Variants in MEMO1 observed in about 807,000 individuals in gnomAD.
The protein encoded by MEMO1 is mediator of cell motility 1, also known as protein MEMO1.
A neutral mutation model predicts 45.2 loss-of-function variants in MEMO1; 6 were observed. That is an observed-to-expected ratio of 0.13 (90% CI 0.07 to 0.26). The LOEUF is 0.26. MEMO1 is among the 10% of genes least tolerant of loss of function. The probability of loss-of-function intolerance (pLI) is 1.00; values close to 1 mark genes in which losing one functional copy is unlikely to be tolerated. For missense variants in MEMO1, 184 were observed against 370.5 expected (o/e 0.50, Z 4.13); for synonymous variants, 78 against 124.3 (o/e 0.63, Z 2.48).
Position 31,895,334 on chromosome 2 carries a change from A to G in MEMO1, c.438-3200T>C, listed in dbSNP as rs13396573. ...ATTGGATTTAGCAGACAAAAACTTC[A>G]AAGGAGTTATTATATATTCAAAGAA... On this transcript the variant is annotated intron_variant, in intron 6 of 9. Coordinates refer to ENST00000404530, the MANE Select transcript of MEMO1 (RefSeq NM_001301833.4). Among the ~76,000 whole-genome samples, 622 of 152,354 alleles carry G rather than the reference A, an allele frequency of 4.1e-3. 3 individuals are homozygous for G. The highest frequency in any genetic ancestry group is 6.8e-3 in the Middle Eastern group (2 of 294).
intron 2 of MEMO1, among the ~76,000 whole-genome samples, chr2:31,954,648 C>T (rs1337902029): frequency 3.9e-5 from 6 of 151,966 alleles, no homozygotes; most frequent in East Asian, 3.9e-4. Context: ...GCCTGACCAA[C>T]ATGGTGAAAC....
intron 2 of MEMO1, among the ~76,000 whole-genome samples, chr2:31,959,017 G>T (rs1352299456): frequency 6.6e-6 from 1 of 152,092 alleles, no homozygotes; most frequent in Non-Finnish European, 1.5e-5. Flanking sequence ...ATAAGAGAAA[G>T]AATCAATGAT....
At chr2:31,997,817 C>T (rs1182077418) in intron 2 of MEMO1, among the ~76,000 whole-genome samples, 1 of 152,066 alleles carries the variant, frequency 6.6e-6, no homozygotes, top group Admixed American at 6.6e-5. Flanking sequence ...AGGATATTAT[C>T]GAATCTACAT....
At chr2:31,933,342 AAAAAAAATTTATATATAT>A (rs1664459119) in intron 3 of MEMO1, among the ~76,000 whole-genome samples, 1 of 47,338 alleles carries the variant, frequency 2.1e-5, no homozygotes, top group African/African-American at 9.1e-5. Flanking sequence ...AAAAAAAAAA[AAAAAAAATTTATATATAT>A]ATATATATAT....
intron 2 of MEMO1, among the ~76,000 whole-genome samples, chr2:31,984,048 G>T (rs527918171): frequency 2.0e-5 from 3 of 152,356 alleles, no homozygotes; most frequent in African/African-American, 7.2e-5. Flanking sequence ...GGGAGGGGCA[G>T]AGACAAATCT....
intron 2 of MEMO1, among the ~76,000 whole-genome samples, chr2:31,963,666 G>T (rs1668283358): frequency 6.6e-6 from 1 of 152,104 alleles, no homozygotes. Context: ...TCACCACTTT[G>T]CAAGCCCTAA....
Position 31,906,243 on chromosome 2 carries a change from T to A in MEMO1, c.437+11683A>T, listed in dbSNP as rs191958253. ...CCTCAACCTCCCAAAGTGCTGGGAT[T>A]ACCGGCGTGAGCCACCGCACCCGGC... On this transcript the variant is annotated intron_variant, in intron 6 of 9. Coordinates refer to ENST00000404530, the MANE Select transcript of MEMO1 (RefSeq NM_001301833.4). Among the ~76,000 whole-genome samples, 924 of 152,250 alleles carry A rather than the reference T, an allele frequency of 6.1e-3. 12 individuals are homozygous for A. The highest frequency in any genetic ancestry group is 0.021 in the African/African-American group (866 of 41,554).
chr2:31,974,607 T>C (rs1669788351), intron 2 of MEMO1, among the ~76,000 whole-genome samples: 3 of 151,998 alleles, frequency 2.0e-5, no homozygotes, highest in Admixed American at 6.6e-5. Context: ...TAGCCGGGCA[T>C]GGTTGTATGC....
At chr2:31,992,358 C>G (rs1321311460) in intron 2 of MEMO1, among the ~76,000 whole-genome samples, 2 of 152,204 alleles carry the variant, frequency 1.3e-5, no homozygotes, top group Non-Finnish European at 2.9e-5. Flanking sequence ...ATATGGCCCA[C>G]AAAGCCTAAA....
intron 5 of MEMO1, among the ~76,000 whole-genome samples, chr2:31,920,131 C>G (rs778695036): frequency 6.6e-6 from 1 of 151,522 alleles, no homozygotes; most frequent in Non-Finnish European, 1.5e-5. Context: ...TCTTATAGTA[C>G]TCTTTATACT....
chr2:31,996,228 G>C (rs1558564899), intron 2 of MEMO1, among the ~76,000 whole-genome samples: 1 of 151,250 alleles, frequency 6.6e-6, no homozygotes, highest in Non-Finnish European at 1.5e-5. Flanking sequence ...GAAAGAGAGA[G>C]AGAGAGAAAG....
chr2:31,946,260 T>C (rs1306110172), intron 2 of MEMO1, among the ~76,000 whole-genome samples: 2 of 152,320 alleles, frequency 1.3e-5, no homozygotes, highest in Admixed American at 6.5e-5. Flanking sequence ...GTTTTTATTT[T>C]GTATTTGTGT....
At chr2:31,965,000 A>G (rs1443970577) in intron 2 of MEMO1, among the ~76,000 whole-genome samples, 1 of 152,000 alleles carries the variant, frequency 6.6e-6, no homozygotes, top group Non-Finnish European at 1.5e-5. Flanking sequence ...GATCACTTGA[A>G]GTCAGGAATT....
intron 4 of MEMO1, among the ~76,000 whole-genome samples, chr2:31,924,250 AC>A (rs1304954640): frequency 6.6e-6 from 1 of 152,128 alleles, no homozygotes; most frequent in Non-Finnish European, 1.5e-5. Context: ...TGAATAGTGT[AC>A]ATTAAAGTTC....
chr2:31,901,596 T>G (rs1284222065), intron 6 of MEMO1, among the ~76,000 whole-genome samples: 1 of 151,944 alleles, frequency 6.6e-6, no homozygotes, highest in Non-Finnish European at 1.5e-5. Flanking sequence ...AACACCAGGT[T>G]TCTTTTTAGG....
At chr2:31,994,484 G>C (rs1019304842) in intron 2 of MEMO1, among the ~76,000 whole-genome samples, 4 of 151,156 alleles carry the variant, frequency 2.6e-5, no homozygotes, top group Non-Finnish European at 5.9e-5. Context: ...ACAAAAATTA[G>C]CCAGGCGTGG....
chr2:31,981,682 C>G (rs550421657), intron 2 of MEMO1, among the ~76,000 whole-genome samples: 36 of 152,284 alleles, frequency 2.4e-4, no homozygotes, highest in African/African-American at 8.4e-4. Flanking sequence ...CCCAAAAATT[C>G]AAGACTTAAC....
intron 6 of MEMO1, among the ~76,000 whole-genome samples, chr2:31,902,242 C>A (rs1678959666): frequency 6.6e-6 from 1 of 151,844 alleles, no homozygotes; most frequent in Admixed American, 6.6e-5. Context: ...CATGGTGAAA[C>A]CCCACCTCTA....
chr2:31,903,187 A>C (rs544002803), intron 6 of MEMO1, among the ~76,000 whole-genome samples: 47 of 152,178 alleles, frequency 3.1e-4, no homozygotes, highest in Non-Finnish European at 5.7e-4. Flanking sequence ...ATTGACGAAT[A>C]TGCAAATTTT....
Sources: gnomAD v4.1 joint callset for allele counts (sites outside exome capture counted in the v4.1 genomes callset) on GRCh38, gnomAD v4.1.1 for gene constraint, MANE v1.5 for transcripts, NCBI Gene and HGNC (gene_info 2026-07-23, HGNC 2026-07-21) for gene names.